Variants in TDRD12 observed in about 807,000 individuals in gnomAD.
TDRD12 encodes the protein putative ATP-dependent RNA helicase TDRD12.
TDRD12 carries 158 observed loss-of-function variants against 133.5 expected under a neutral mutation model. That is an observed-to-expected ratio of 1.18 (90% CI 1.04 to 1.35). TDRD12 has a LOEUF of 1.35. Ranked by LOEUF, TDRD12 falls within the 40% of genes most tolerant of loss-of-function variation. The probability of loss-of-function intolerance (pLI) is 0.00; values close to 1 mark genes in which losing one functional copy is unlikely to be tolerated. For missense variants in TDRD12, 1,443 were observed against 1,321.3 expected, an observed-to-expected ratio of 1.09 and a Z score of -1.43; for synonymous variants, 460 against 477.9, an observed-to-expected ratio of 0.96 and a Z score of 0.49.
chr19:32,826,803 G>T, intron 9 of TDRD12, 54 bp downstream of exon 32: 2 of 1,102,140 alleles, frequency 1.8e-6, no homozygotes, highest in Non-Finnish European at 2.3e-6. Flanking sequence ...AGGGCAGTGA[G>T]GGACACCATC....
chr19:32,766,523 A>G (rs1439356667), intron 8 of TDRD12, among the ~76,000 whole-genome samples: 8 of 151,826 alleles, frequency 5.3e-5, no homozygotes, highest in Non-Finnish European at 1.2e-4. Flanking sequence ...TGTTTGTCTC[A>G]TCTGGTTTTT....
intron 26 of TDRD12, among the ~76,000 whole-genome samples, chr19:32,817,766 C>T (rs1049143687): frequency 7.9e-5 from 12 of 151,280 alleles, no homozygotes; most frequent in African/African-American, 4.9e-5. Context: ...CTTGACCCCG[C>T]CCGAGGTGCA....
chr19:32,773,320 C>G (rs924352011), intron 9 of TDRD12, 136 bp from the exon 10 acceptor site: 2 of 758,804 alleles, frequency 2.6e-6, no homozygotes, highest in Middle Eastern at 3.1e-4. Flanking sequence ...TTTTATCTCT[C>G]TATCTCTGTG....
exon 10 of TDRD12, chr19:32,773,514 C>T: frequency 6.4e-7 from 1 of 1,551,686 alleles, no homozygotes; most frequent in Non-Finnish European, 8.7e-7. Flanking sequence ...TATGCTGATC[C>T]AGATGTACCA....
intron 6 of TDRD12, among the ~76,000 whole-genome samples, chr19:32,753,980 CCAAA>C (rs1335665671): frequency 6.6e-6 from 1 of 152,120 alleles, no homozygotes; most frequent in Non-Finnish European, 1.5e-5. Flanking sequence ...CATTATGCAG[CCAAA>C]ATACTGTTTG....
intron 1 of TDRD12, among the ~76,000 whole-genome samples, chr19:32,720,400 A>G (rs1398249072): frequency 1.5e-4 from 2 of 13,220 alleles, no homozygotes. Flanking sequence ...TCCCACACCC[A>G]CTCCCACCCA....
exon 10 of TDRD12, chr19:32,827,372 C>CTTTTATTTTAT: frequency 1.7e-5 from 2 of 120,308 alleles, no homozygotes; most frequent in Non-Finnish European, 2.7e-5. Context: ...CTTTTCTTTT[C>CTTTTATTTTAT]TTTTTTTTTT....
chr19:32,813,661 A>G, intron 24 of TDRD12, 23 bp from the exon 25 acceptor site: 2 of 1,410,100 alleles, frequency 1.4e-6, no homozygotes, highest in African/African-American at 2.9e-5. Flanking sequence ...CTCACCTAAA[A>G]TAATGTTAAG....
intron 6 of TDRD12, among the ~76,000 whole-genome samples, chr19:32,750,893 C>A (rs1969804638): frequency 6.6e-6 from 1 of 152,232 alleles, no homozygotes; most frequent in Admixed American, 6.5e-5. Flanking sequence ...CTCAGTGCAT[C>A]CCAGCAGGGG....
chr19:32,772,684 C>T, intron 8 of TDRD12, 69 bp from the exon 9 acceptor site: 1 of 911,070 alleles, frequency 1.1e-6, no homozygotes, highest in Non-Finnish European at 1.6e-6. Flanking sequence ...TATTATATTC[C>T]TTTTTATCCT....
At chr19:32,741,379 C>T (rs1387404813) in intron 3 of TDRD12, among the ~76,000 whole-genome samples, 5 of 152,018 alleles carry the variant, frequency 3.3e-5, no homozygotes, top group Admixed American at 2.0e-4. Flanking sequence ...ACTGCGCCAG[C>T]CAAGAGGTGT....
intron 10 of TDRD12, among the ~76,000 whole-genome samples, chr19:32,775,618 C>T (rs1057203097): frequency 6.6e-6 from 1 of 152,178 alleles, no homozygotes; most frequent in Non-Finnish European, 1.5e-5. Flanking sequence ...CAGGTGTGAG[C>T]CACTGTGCCC....
Position 32,812,382 on chromosome 19 carries a change from G to A in TDRD12, c.3048+962G>A, listed in dbSNP as rs567871505. Among the ~76,000 whole-genome samples the A allele has an allele frequency of 2.6e-5, 4 of 152,306 alleles. No individual in the cohort carries two copies. The East Asian group carries it at 5.8e-4, about 22-fold the overall frequency. Reference sequence around the variant, plus strand: ...GGAAAGGTTATATTTTGCATAATTCGACAAATGGGACATGAAATAAGTTAA... The same window carrying A: ...GGAAAGGTTATATTTTGCATAATTCAACAAATGGGACATGAAATAAGTTAA... On this transcript the variant is annotated intron_variant, in intron 24 of 27. Coordinates refer to ENST00000444215, the Ensembl canonical transcript of TDRD12.
intron 1 of TDRD12, among the ~76,000 whole-genome samples, chr19:32,729,305 C>T (rs1422594596): frequency 1.3e-5 from 2 of 149,406 alleles, no homozygotes; most frequent in African/African-American, 4.9e-5. Flanking sequence ...GCAAGCTCCA[C>T]CACCCGGTTT....
At chr19:32,759,383 C>G (rs1044529340) in intron 8 of TDRD12, among the ~76,000 whole-genome samples, 1 of 151,322 alleles carries the variant, frequency 6.6e-6, no homozygotes, top group East Asian at 1.9e-4. Context: ...ACTAGAAGGC[C>G]CCTGGAGTTC....
rs968940373 is a variant in TDRD12 at position 32,757,007 on chromosome 19, C to G, written c.773-31C>G. On this transcript the variant is annotated intron_variant, in intron 7 of 27. Transcript: ENST00000444215. ...TTTTTATTTTGGGCTTTATTTCATG[C>G]TTTAATTCTGAAATTTATTCTTTCT... 3 of 1,518,044 alleles carry G rather than the reference C, an allele frequency of 2.0e-6. No homozygotes were observed. The African/African-American group carries it at 4.2e-5, about 21-fold the overall frequency. 94.0% of individuals were successfully genotyped at this position (1,518,044 alleles called of 1,614,324 possible).
chr19:32,752,339 C>T (rs762747391), intron 6 of TDRD12, among the ~76,000 whole-genome samples: 8 of 151,936 alleles, frequency 5.3e-5, no homozygotes, highest in Non-Finnish European at 8.8e-5. Flanking sequence ...GCCACCACAC[C>T]GGCTAATTTT....
intron 4 of TDRD12, among the ~76,000 whole-genome samples, chr19:32,744,467 T>C (rs1322426494): frequency 1.8e-5 from 2 of 113,238 alleles, no homozygotes; most frequent in African/African-American, 7.0e-5. Flanking sequence ...GCCACTGCAC[T>C]CCAACCTGGG....
chr19:32,770,117 C>T (rs1475153720), intron 8 of TDRD12, among the ~76,000 whole-genome samples: 2 of 151,882 alleles, frequency 1.3e-5, no homozygotes, highest in Non-Finnish European at 2.9e-5. Flanking sequence ...AGCAATTCTC[C>T]CACCTCAGCC....
Sources: allele counts gnomAD v4.1 joint callset (sites outside exome capture counted in the v4.1 genomes callset), GRCh38; gene constraint gnomAD v4.1.1; transcripts MANE v1.5; gene names NCBI Gene and HGNC (gene_info 2026-07-23, HGNC 2026-07-21).